Variants in PDE1C observed in about 807,000 individuals in gnomAD.
The protein encoded by PDE1C is phosphodiesterase 1C.
In PDE1C, 62 loss-of-function variants were observed where a neutral mutation model predicts 93.1. The observed-to-expected ratio is 0.67, with a 90% confidence interval of 0.54 to 0.82. The LOEUF (loss-of-function observed/expected upper bound fraction) is 0.82. PDE1C is among the 40% of genes least tolerant of loss of function. PDE1C has a pLI of 0.00. For missense variants in PDE1C, 742 were observed against 884.6 expected (o/e 0.84, Z 2.04); for synonymous variants, 325 against 310.1 (o/e 1.05, Z -0.50).
chr7:31,948,195 A>C (rs1442163523), intron 2 of PDE1C, among the ~76,000 whole-genome samples: 1 of 152,184 alleles, frequency 6.6e-6, no homozygotes, highest in Non-Finnish European at 1.5e-5. Flanking sequence ...ATAAAAATGC[A>C]TTCCAATTTC....
At chr7:31,644,490 T>A in the PDE1C span, among the ~76,000 whole-genome samples, 3 of 152,206 alleles carry the variant, frequency 2.0e-5, no homozygotes, top group African/African-American at 4.8e-5. Flanking sequence ...GTTACTCTTA[T>A]ATGTGTTACT....
At chr7:32,119,909 C>T (rs1410012774) in intron 3 of PDE1C, among the ~76,000 whole-genome samples, 3 of 152,210 alleles carry the variant, frequency 2.0e-5, no homozygotes, top group African/African-American at 7.2e-5. Context: ...GCTGTGGCTG[C>T]CTGCTGTCAA....
At chr7:31,758,888 C>T (rs11973166) in intron 17 of PDE1C, among the ~76,000 whole-genome samples, 1 of 151,792 alleles carries the variant, frequency 6.6e-6, no homozygotes, top group Admixed American at 6.6e-5. Flanking sequence ...TTCAAGTCAC[C>T]GTCCCTCTCC....
intron 2 of PDE1C, among the ~76,000 whole-genome samples, chr7:32,030,368 T>A (rs1584518144): frequency 6.6e-6 from 1 of 152,166 alleles, no homozygotes; most frequent in South Asian, 2.1e-4. Flanking sequence ...TGCTTATGCT[T>A]ACCTAAGAAT....
chr7:32,407,218 T>C (rs1785072224), intron 1 of PDE1C, among the ~76,000 whole-genome samples: 1 of 152,100 alleles, frequency 6.6e-6, no homozygotes, highest in Non-Finnish European at 1.5e-5. Context: ...GAGGTTGCAG[T>C]GAGCCGAGAT....
chr7:32,015,139 T>C (rs895937003), intron 2 of PDE1C, among the ~76,000 whole-genome samples: 1 of 152,154 alleles, frequency 6.6e-6, no homozygotes, highest in African/African-American at 2.4e-5. Flanking sequence ...TCCACCATGA[T>C]TGTAAGTTTC....
intron 2 of PDE1C, among the ~76,000 whole-genome samples, chr7:32,048,837 TTAAA>T (rs1792959210): frequency 6.6e-6 from 1 of 152,202 alleles, no homozygotes; most frequent in Non-Finnish European, 1.5e-5. Flanking sequence ...AATTCACACT[TTAAA>T]TGACTTCAAT....
chr7:32,157,409 T>C (rs1801641734), intron 3 of PDE1C, among the ~76,000 whole-genome samples: 1 of 152,168 alleles, frequency 6.6e-6, no homozygotes, highest in African/African-American at 2.4e-5. Flanking sequence ...TCATTGTACA[T>C]TGTATACCTG....
chr7:31,943,889 T>A (rs1368019141), intron 2 of PDE1C, among the ~76,000 whole-genome samples: 2 of 152,120 alleles, frequency 1.3e-5, no homozygotes, highest in African/African-American at 2.4e-5. Context: ...CTTAAACATA[T>A]TAATAGCTAG....
chr7:32,387,674 G>A (rs1421637080), intron 1 of PDE1C, among the ~76,000 whole-genome samples: 2 of 142,232 alleles, frequency 1.4e-5, no homozygotes, highest in African/African-American at 2.7e-5. Flanking sequence ...TGGCCGGGCG[G>A]GGGGCTGACC....
chr7:32,324,487 T>C (rs1179460522), intron 1 of PDE1C, among the ~76,000 whole-genome samples: 1 of 152,250 alleles, frequency 6.6e-6, no homozygotes, highest in Non-Finnish European at 1.5e-5. Flanking sequence ...CCCAAATTGC[T>C]TGGTGTCAAT....
the PDE1C span, among the ~76,000 whole-genome samples, chr7:31,621,115 C>T: frequency 6.6e-6 from 1 of 151,984 alleles, no homozygotes; most frequent in Non-Finnish European, 1.5e-5. Context: ...TGTGAAAAGA[C>T]CAAATCTACG....
At chr7:32,184,152 G>T (rs546539465) in intron 2 of PDE1C, among the ~76,000 whole-genome samples, 4 of 152,274 alleles carry the variant, frequency 2.6e-5, no homozygotes, top group South Asian at 2.1e-4. Context: ...GAAACAACTG[G>T]TGCTGGAGAG....
intron 2 of PDE1C, among the ~76,000 whole-genome samples, chr7:31,899,717 AG>A (rs906981488): frequency 6.6e-6 from 1 of 152,246 alleles, no homozygotes; most frequent in African/African-American, 2.4e-5. Flanking sequence ...GTAAACCCTT[AG>A]TATGAGCAGG....
At chr7:32,359,816 G>C (rs1784101075) in intron 1 of PDE1C, among the ~76,000 whole-genome samples, 1 of 152,114 alleles carries the variant, frequency 6.6e-6, no homozygotes, top group South Asian at 2.1e-4. Flanking sequence ...TGCTCATGCA[G>C]TTCCTCCACC....
At chr7:31,943,751 G>C (rs941252330) in intron 2 of PDE1C, among the ~76,000 whole-genome samples, 11 of 152,012 alleles carry the variant, frequency 7.2e-5, no homozygotes, top group Non-Finnish European at 1.0e-4. Context: ...CTAAAACTCT[G>C]CATTTTATTG....
At chr7:32,054,664 G>A (rs1027076193) in intron 1 of PDE1C, among the ~76,000 whole-genome samples, 1 of 151,974 alleles carries the variant, frequency 6.6e-6, no homozygotes, top group Non-Finnish European at 1.5e-5. Context: ...CTGATTTTCA[G>A]TCCAACTCAC....
At chr7:32,358,915 G>T (rs571983714) in intron 1 of PDE1C, among the ~76,000 whole-genome samples, 1 of 152,006 alleles carries the variant, frequency 6.6e-6, no homozygotes, top group South Asian at 2.1e-4. Context: ...GTGTGTGTGT[G>T]TAACAGTCTC....
At chr7:31,622,838 CA>C in the PDE1C span, among the ~76,000 whole-genome samples, 1 of 151,998 alleles carries the variant, frequency 6.6e-6, no homozygotes, top group South Asian at 2.1e-4. Flanking sequence ...TTGAAATGAT[CA>C]ACAAAATTGA....
Sources: gnomAD v4.1 joint callset for allele counts (sites outside exome capture counted in the v4.1 genomes callset) on GRCh38, gnomAD v4.1.1 for gene constraint, MANE v1.5 for transcripts, NCBI Gene and HGNC (gene_info 2026-07-23, HGNC 2026-07-21) for gene names.